RGS7: variants seen among roughly 807,000 people sequenced by gnomAD.
RGS7 encodes regulator of G protein signaling 7.
Under a neutral mutation model 81.1 loss-of-function variants are expected in RGS7, and 27 were observed. That is an observed-to-expected ratio of 0.33 (90% confidence interval 0.25 to 0.46). The LOEUF is 0.46. RGS7 is among the 20% of genes least tolerant of loss of function. RGS7 has a pLI of 1.00. For synonymous variants in RGS7, 208 were observed against 207.7 expected (o/e 1.00, Z -0.01); for missense variants, 396 against 607.4 (o/e 0.65, Z 3.66).
At chr1:240,979,547 G>T (rs1684628185) in intron 4 of RGS7, among the ~76,000 whole-genome samples, 1 of 152,158 alleles carries the variant, frequency 6.6e-6, no homozygotes, top group Non-Finnish European at 1.5e-5. Context: ...GAAAAATCGG[G>T]GTTCCATTTT....
At chr1:241,354,345 TC>T (rs2083429244) in intron 2 of RGS7, among the ~76,000 whole-genome samples, 1 of 152,228 alleles carries the variant, frequency 6.6e-6, no homozygotes, top group Non-Finnish European at 1.5e-5. Context: ...TAGATTATTT[TC>T]CTGATTTATG....
chr1:241,053,292 T>A (rs774871462), intron 3 of RGS7, among the ~76,000 whole-genome samples: 1 of 152,168 alleles, frequency 6.6e-6, no homozygotes, highest in Admixed American at 6.5e-5. Flanking sequence ...CAGACACCCA[T>A]GCTGTAGGGC....
At chr1:241,187,401 T>C (rs555248992) in intron 2 of RGS7, among the ~76,000 whole-genome samples, 1 of 152,206 alleles carries the variant, frequency 6.6e-6, no homozygotes, top group East Asian at 1.9e-4. Context: ...GTGAAGGAGG[T>C]AAGATTTACA....
intron 2 of RGS7, among the ~76,000 whole-genome samples, chr1:241,202,610 A>C (rs2073603267): frequency 6.6e-6 from 1 of 152,190 alleles, no homozygotes; most frequent in African/African-American, 2.4e-5. Context: ...GAAGCTCAGC[A>C]ACGCCTGTCT....
At chr1:241,279,411 A>T (rs2078385395) in intron 2 of RGS7, among the ~76,000 whole-genome samples, 1 of 152,236 alleles carries the variant, frequency 6.6e-6, no homozygotes, top group Admixed American at 6.5e-5. Flanking sequence ...TGACAAAAAT[A>T]GTCTTCTAAC....
intron 9 of RGS7, among the ~76,000 whole-genome samples, chr1:240,866,846 T>C (rs1379045458): frequency 6.6e-6 from 1 of 151,974 alleles, no homozygotes; most frequent in Non-Finnish European, 1.5e-5. Flanking sequence ...GAAATAGACG[T>C]GGGCAGTGCA....
intron 2 of RGS7, among the ~76,000 whole-genome samples, chr1:241,151,610 T>G (rs1365188901): frequency 6.7e-6 from 1 of 149,774 alleles, no homozygotes; most frequent in Non-Finnish European, 1.5e-5. Flanking sequence ...GGGTTACATG[T>G]GCAGAACGTG....
intron 4 of RGS7, among the ~76,000 whole-genome samples, chr1:240,969,906 T>C (rs1682928717): frequency 2.0e-5 from 3 of 152,260 alleles, no homozygotes. Context: ...TATCTGGGTT[T>C]GAATACTGGT....
At chr1:240,895,424 G>T (rs1309603471) in intron 6 of RGS7, among the ~76,000 whole-genome samples, 1 of 149,060 alleles carries the variant, frequency 6.7e-6, no homozygotes, top group East Asian at 1.9e-4. Context: ...ATCTCCTAAT[G>T]CTATCCCTCC....
intron 13 of RGS7, 134 bp from the exon 14 acceptor site, chr1:240,812,177 C>T (rs373950614): frequency 6.8e-5 from 58 of 847,172 alleles, no homozygotes; most frequent in African/African-American, 5.6e-4. Flanking sequence ...TATATATATC[C>T]GATTAACGGC....
intron 4 of RGS7, among the ~76,000 whole-genome samples, 182 bp downstream of exon 4, chr1:240,982,893 GCTAA>G (rs996939633): frequency 6.6e-6 from 1 of 152,108 alleles, no homozygotes; most frequent in African/African-American, 2.4e-5. Context: ...GTACAAATAT[GCTAA>G]CTTTCAGTGA....
intron 2 of RGS7, among the ~76,000 whole-genome samples, chr1:241,228,287 C>T (rs890644259): frequency 3.3e-5 from 5 of 152,162 alleles, no homozygotes; most frequent in Non-Finnish European, 4.4e-5. Context: ...CAGCCATTTA[C>T]GTTTCCACCT....
intron 18 of RGS7, among the ~76,000 whole-genome samples, chr1:240,793,612 T>TATATATATATA (rs11270798): frequency 3.5e-5 from 1 of 28,616 alleles, no homozygotes; most frequent in African/African-American, 1.8e-4. Context: ...TATATATATA[T>TATATATATATA]TTTTTTTTTT....
chr1:241,313,423 T>C (rs1005034588), intron 2 of RGS7, among the ~76,000 whole-genome samples: 1 of 152,182 alleles, frequency 6.6e-6, no homozygotes, highest in Non-Finnish European at 1.5e-5. Context: ...CAATGCTCAT[T>C]GACCATTCCA....
At chr1:240,914,269 T>G (rs1672239585) in intron 6 of RGS7, among the ~76,000 whole-genome samples, 1 of 152,134 alleles carries the variant, frequency 6.6e-6, no homozygotes, top group South Asian at 2.1e-4. Flanking sequence ...TGTATAAAGT[T>G]TAAAAACATG....
intron 18 of RGS7, among the ~76,000 whole-genome samples, chr1:240,797,928 A>T (rs1013468572): frequency 3.9e-5 from 6 of 152,194 alleles, no homozygotes; most frequent in African/African-American, 1.4e-4. Flanking sequence ...CATTACACAA[A>T]TGTGAGTTAT....
intron 6 of RGS7, among the ~76,000 whole-genome samples, chr1:240,904,670 G>A (rs1363475388): frequency 6.6e-6 from 1 of 152,164 alleles, no homozygotes; most frequent in East Asian, 1.9e-4. Flanking sequence ...TTCTTTCAAT[G>A]GGTGTTGGCA....
At chr1:240,932,331 C>T (rs978055427) in intron 5 of RGS7, among the ~76,000 whole-genome samples, 45 of 152,118 alleles carry the variant, frequency 3.0e-4, no homozygotes, top group African/African-American at 1.1e-3. Flanking sequence ...AAAGACTAAA[C>T]TGCTAGACAA....
intron 9 of RGS7, among the ~76,000 whole-genome samples, chr1:240,848,036 A>C (rs1444806128): frequency 6.6e-6 from 1 of 152,204 alleles, no homozygotes; most frequent in Admixed American, 6.5e-5. Context: ...ATACACTAAA[A>C]TAGGGGTTCT....
Sources: gnomAD v4.1 joint callset for allele counts (sites outside exome capture counted in the v4.1 genomes callset) on GRCh38, gnomAD v4.1.1 for gene constraint, MANE v1.5 for transcripts, NCBI Gene and HGNC (gene_info 2026-07-23, HGNC 2026-07-21) for gene names.